The following PDGFRB variants were observed in gnomAD, a reference collection of about 807,000 sequenced individuals.
PDGFRB encodes platelet derived growth factor receptor beta.
In PDGFRB, 42 loss-of-function variants were observed where a neutral mutation model predicts 120.2. The observed-to-expected ratio is 0.35, with a 90% CI of 0.27 to 0.45. The LOEUF (loss-of-function observed/expected upper bound fraction) is 0.45. Among genes scored for constraint, PDGFRB ranks in the 20% least tolerant of loss-of-function variants. PDGFRB has a pLI of 1.00. For synonymous variants in PDGFRB, 586 were observed against 606.8 expected, an observed-to-expected ratio of 0.97 and a Z score of 0.50; for missense variants, 1,149 against 1,476.3, an observed-to-expected ratio of 0.78 and a Z score of 3.63.
chr5:150,127,494 G>C (rs958015949), intron 10 of PDGFRB, among the ~76,000 whole-genome samples: 27 of 152,194 alleles, frequency 1.8e-4, no homozygotes, highest in African/African-American at 6.5e-4. Flanking sequence ...GTAGGTAGCT[G>C]GTACTATTTG....
At position 150,114,648 on chromosome 5, in the gene PDGFRB, G is replaced by C. The variant is rs1232006769; in HGVS notation, c.*1115C>G. ...AAGGGGCATGGTTCCTGAGTCCCCA[G>C]AGTGTGATGTGTGATCTGGAATCTC... On this transcript the variant is annotated 3_prime_UTR_variant, in exon 23 of 23. Coordinates refer to ENST00000261799, the MANE Select transcript of PDGFRB (RefSeq NM_002609.4). 6 of 233,652 alleles carry C rather than the reference G, an allele frequency of 2.6e-5. No homozygotes were observed. In the East Asian group the frequency reaches 3.6e-4, roughly 14 times the overall value. The allele number at this position is 233,652 out of a possible 1,614,324, so 14.5% of individuals were successfully genotyped here. A position where few individuals can be genotyped will look rare whatever the true frequency, so the allele number is the denominator to read the frequency against.
rs1206677036 is a variant in PDGFRB at position 150,124,788 on chromosome 5, G to T, written c.1851C>A (p.Ala617=). Residue 617 remains alanine, a synonymous_variant, in exon 13 of 23, where the codon GCC becomes GCA. Transcript: ENST00000261799. ...GAGAATGGCTCAGGCCATGAGCCGT[G>T]GCCTCCACCACCTGCCCAAAGGCCC... ...GSGAFGQVVE[A]TAHGLSHSQA... 1 of 1,609,616 alleles carries T rather than the reference G, an allele frequency of 6.2e-7. No homozygotes were observed. The highest frequency in any genetic ancestry group is 8.5e-7 in the Non-Finnish European group (1 of 1,177,264).
chr5:150,126,742 C>T, intron 10 of PDGFRB, 128 bp from the exon 11 acceptor site: 1 of 679,814 alleles, frequency 1.5e-6, no homozygotes, highest in East Asian at 2.7e-5. Context: ...TCCCCATCAG[C>T]CTGCAGTGTC....
Position 150,115,278 on chromosome 5 carries a change from G to A in PDGFRB, c.*485C>T, listed in dbSNP as rs1759892760. On this transcript the variant is annotated 3_prime_UTR_variant, in exon 23 of 23. Coordinates refer to ENST00000261799, the MANE Select transcript of PDGFRB (RefSeq NM_002609.4). ...TAGGCCCTAGCTCAGCCAGCAGCCA[G>A]GGAGGCTAGGGTCTCTTCCCTAGCT... is the stretch of plus-strand genomic sequence containing the variant. 4.3e-6 allele frequency: 1 copy of A among 233,292 alleles called. No individual in the cohort carries two copies. Among genetic ancestry groups the A allele is most frequent in the African/African-American group, 2.2e-5 (1 of 45,436 alleles). The allele number at this position is 233,292 out of a possible 1,614,324, so 14.5% of individuals were successfully genotyped here.
At chr5:150,138,124 G>A (rs1321131169) in intron 1 of PDGFRB, among the ~76,000 whole-genome samples, 2 of 152,234 alleles carry the variant, frequency 1.3e-5, no homozygotes, top group African/African-American at 2.4e-5. Flanking sequence ...CAGGAGCCAA[G>A]TATGCCAAGA....
chr5:150,139,501 T>A (rs1159578422), intron 1 of PDGFRB, among the ~76,000 whole-genome samples: 1 of 136,642 alleles, frequency 7.3e-6, no homozygotes, highest in Non-Finnish European at 1.5e-5. Flanking sequence ...TACCGGGGTG[T>A]TTTGAGGAGG....
rs753978428 is a variant in PDGFRB at position 150,129,783 on chromosome 5, G to A, written c.1553C>T (p.Thr518Met). The change falls in exon 10 of 23, where the codon ACG (threonine) becomes ATG (methionine). Residue 518 changes from threonine (T) to methionine (M), a missense_variant. This residue lies in a region of PDGFRB where 879 missense variants were observed against 1,108.6 expected (regional missense o/e 0.79). Coordinates refer to ENST00000261799, the MANE Select transcript of PDGFRB (RefSeq NM_002609.4). ...GTGTGGCACCACGATGACCTCCTGC[G>A]TGTCCTGGCCCACAGCGTTGCGCAG... ...CTLRNAVGQD[T>M]QEVIVVPHSL... 2.1e-4 allele frequency: 333 copies of A among 1,613,516 alleles called. 1 individual carries two copies. The highest frequency in any genetic ancestry group is 9.7e-4 in the South Asian group (88 of 91,074).
At chr5:150,126,105 T>TA (rs1292330313) in intron 11 of PDGFRB, among the ~76,000 whole-genome samples, 1 of 152,174 alleles carries the variant, frequency 6.6e-6, no homozygotes. Context: ...CACAGAATGG[T>TA]AAAATCTCAA....
chr5:150,148,610 G>A (rs1169045488), intron 1 of PDGFRB, among the ~76,000 whole-genome samples: 1 of 152,224 alleles, frequency 6.6e-6, no homozygotes, highest in African/African-American at 2.4e-5. Flanking sequence ...ACTTATTCCT[G>A]GGTCCAAGCC....
At position 150,132,982 on chromosome 5, in the gene PDGFRB, G is replaced by C; in HGVS notation, c.935-40C>G. The stretch of plus-strand genomic sequence containing the variant: ...CGTCAGGGGCGGGGCCCTGGGGGCA[G>C]GGCACCAACTGAATCCCAAAGGAGG... On this transcript the variant is annotated intron_variant, in intron 6 of 22. Coordinates refer to ENST00000261799, the MANE Select transcript of PDGFRB (RefSeq NM_002609.4). This position sits in a 1 kb window ranked among gnomAD's most constrained non-coding sequence, Gnocchi z 5.0. 6.9e-7 allele frequency: 1 copy of C among 1,439,052 alleles called. No homozygotes were observed. Among genetic ancestry groups the C allele is most frequent in the Middle Eastern group, 2.4e-4 (1 of 4,108 alleles). 89.1% of individuals were successfully genotyped at this position (1,439,052 alleles called of 1,614,324 possible).
At chr5:150,125,685 GA>G (rs1334194973) in intron 11 of PDGFRB, 108 bp from the exon 12 acceptor site, 1 of 1,022,420 alleles carries the variant, frequency 9.8e-7, no homozygotes, top group East Asian at 2.4e-5. Context: ...GAGGCCCAGA[GA>G]GGGGCAGGGG....
chr5:150,140,529 C>T (rs11738308), intron 1 of PDGFRB, among the ~76,000 whole-genome samples: 25,129 of 152,198 alleles, frequency 0.17, 2,406 homozygotes, highest in Middle Eastern at 0.27. Context: ...CTCAGAGGCC[C>T]AAAGTGGAGA....
intron 1 of PDGFRB, among the ~76,000 whole-genome samples, chr5:150,141,388 T>C (rs1229708049): frequency 2.0e-5 from 3 of 152,362 alleles, no homozygotes; most frequent in East Asian, 1.9e-4. Flanking sequence ...TTGGCACGTA[T>C]TGGCTCACTT....
Position 150,114,785 on chromosome 5 carries a change from C to G in PDGFRB, c.*978G>C, listed in dbSNP as rs867128372. On this transcript the variant is annotated 3_prime_UTR_variant, in exon 23 of 23. Coordinates refer to ENST00000261799, the MANE Select transcript of PDGFRB (RefSeq NM_002609.4). ...CTAGAATGTTAGTGCTGGCAAGGCA[C>G]TCAGAGTTAATAAGTCCGACTTATT... 4 of 233,702 alleles carry G rather than the reference C, an allele frequency of 1.7e-5. No homozygotes were observed. Among genetic ancestry groups the G allele is most frequent in the Middle Eastern group, 1.2e-3 (1 of 828 alleles). 14.5% of individuals were successfully genotyped at this position (233,702 alleles called of 1,614,324 possible). A position where few individuals can be genotyped will look rare whatever the true frequency, so the allele number is the denominator to read the frequency against.
chr5:150,116,370 T>C (rs575986023), intron 22 of PDGFRB, among the ~76,000 whole-genome samples: 1 of 152,236 alleles, frequency 6.6e-6, no homozygotes, highest in African/African-American at 2.4e-5. Context: ...CCCAGCACTT[T>C]GGGAGGCCGA....
chr5:150,130,332 A>G (rs1392361720), intron 9 of PDGFRB, among the ~76,000 whole-genome samples: 2 of 152,162 alleles, frequency 1.3e-5, no homozygotes, highest in African/African-American at 4.8e-5. Context: ...GCACTTTGCT[A>G]GGCCAAACTG....
At chr5:150,153,763 G>A (rs2113936724) in intron 1 of PDGFRB, 1 of 152,234 alleles carries the variant, frequency 6.6e-6, no homozygotes, top group African/African-American at 2.4e-5. Context: ...ACAGAGGGAA[G>A]CAGAGATACT....
chr5:150,129,261 G>A (rs983444707), intron 10 of PDGFRB, among the ~76,000 whole-genome samples: 11 of 152,220 alleles, frequency 7.2e-5, no homozygotes, highest in Non-Finnish European at 1.2e-4. Flanking sequence ...ACACTGTGGG[G>A]TTTAAACAGA....
chr5:150,119,056 C>G (rs896385994), intron 20 of PDGFRB, among the ~76,000 whole-genome samples: 1 of 152,206 alleles, frequency 6.6e-6, no homozygotes, highest in African/African-American at 2.4e-5. Context: ...CCACATGGTT[C>G]CACAGGTTGA....
Sources: gnomAD v4.1 joint callset for allele counts (sites outside exome capture counted in the v4.1 genomes callset) on GRCh38, gnomAD v4.1.1 for gene constraint, gnomAD v4.1.1 regional missense constraint, Gnocchi (gnomAD v3.1) non-coding constraint, MANE v1.5 for transcripts, NCBI Gene and HGNC (gene_info 2026-07-23, HGNC 2026-07-21) for gene names.